Variants in PIP4K2A observed in about 807,000 individuals in gnomAD.
PIP4K2A encodes phosphatidylinositol-5-phosphate 4-kinase type 2 alpha.
PIP4K2A carries 14 observed loss-of-function variants against 42.9 expected under a neutral mutation model. That is an observed-to-expected ratio of 0.33 (90% confidence interval 0.22 to 0.51). The LOEUF is 0.51. Ranked by LOEUF, PIP4K2A falls within the 20% of genes least tolerant of loss-of-function variation. PIP4K2A has a pLI of 0.97. For synonymous variants in PIP4K2A, 192 were observed against 192.2 expected, an observed-to-expected ratio of 1.00 and a Z score of 0.01; for missense variants, 434 against 519.8, an observed-to-expected ratio of 0.83 and a Z score of 1.61.
At chr10:22,561,615 A>G (rs529527739) in intron 6 of PIP4K2A, among the ~76,000 whole-genome samples, 1 of 121,656 alleles carries the variant, frequency 8.2e-6, no homozygotes, top group South Asian at 2.5e-4. Context: ...TTGTTCTGTC[A>G]CTGAGGCTGG....
At chr10:22,711,633 A>C (rs968280415) in intron 1 of PIP4K2A, among the ~76,000 whole-genome samples, 2 of 152,284 alleles carry the variant, frequency 1.3e-5, no homozygotes, top group African/African-American at 4.8e-5. Flanking sequence ...AAAAACTTAA[A>C]GCGCAGATTC....
Position 22,591,680 on chromosome 10 carries a change from A to C in PIP4K2A, c.441T>G (p.Ile147Met). The change falls in exon 4 of 10, where the codon ATT (isoleucine) becomes ATG (methionine). Residue 147 changes from isoleucine (I) to methionine (M), a missense_variant. By Grantham distance (10) the Ile-to-Met change is conservative (BLOSUM62 1). Around this residue, in one of 2 missense-constraint regions of PIP4K2A, gnomAD observed 395 missense variants for 444.5 expected, o/e 0.89. Transcript: ENST00000376573. Reference sequence around the variant, plus strand: ...GCATTTCGGCCACGTCTTCACTGGTAATAGTCTTGATGATGTATCTTTTGT... The same window carrying C: ...GCATTTCGGCCACGTCTTCACTGGTCATAGTCTTGATGATGTATCTTTTGT... ...SYDKRYIIKT[I>M]TSEDVAEMHN... The C allele has an allele frequency of 6.2e-7, 1 of 1,613,152 alleles. No individual in the cohort carries two copies. The highest frequency in any genetic ancestry group is 8.5e-7 in the Non-Finnish European group (1 of 1,179,440).
chr10:22,572,620 G>T (rs1005820454), intron 5 of PIP4K2A, among the ~76,000 whole-genome samples: 1 of 151,446 alleles, frequency 6.6e-6, no homozygotes, highest in Non-Finnish European at 1.5e-5. Context: ...AAAAAGAAAA[G>T]AAAAGAAAAA....
At chr10:22,690,334 TA>T (rs1431150046) in intron 1 of PIP4K2A, among the ~76,000 whole-genome samples, 2 of 152,194 alleles carry the variant, frequency 1.3e-5, no homozygotes, top group African/African-American at 4.8e-5. Context: ...AGTAGGCTCC[TA>T]AATCTGAACT....
intron 1 of PIP4K2A, among the ~76,000 whole-genome samples, chr10:22,681,993 A>G (rs1018895703): frequency 2.8e-4 from 43 of 152,130 alleles, no homozygotes; most frequent in African/African-American, 9.7e-4. Flanking sequence ...TTTTTTAGAA[A>G]ACCATTTTTT....
chr10:22,652,487 C>T (rs1472740676), intron 1 of PIP4K2A, among the ~76,000 whole-genome samples: 1 of 152,180 alleles, frequency 6.6e-6, no homozygotes, highest in African/African-American at 2.4e-5. Flanking sequence ...CATTTTGAGA[C>T]ATCTCCCTCT....
intron 1 of PIP4K2A, among the ~76,000 whole-genome samples, chr10:22,658,297 G>A (rs7091306): frequency 5.9e-5 from 9 of 152,118 alleles, no homozygotes; most frequent in African/African-American, 2.2e-4. Context: ...AAACTGAAAC[G>A]GAAGAAATAC....
chr10:22,680,789 A>T (rs762136598), intron 1 of PIP4K2A, among the ~76,000 whole-genome samples: 1 of 152,198 alleles, frequency 6.6e-6, no homozygotes, highest in Non-Finnish European at 1.5e-5. Flanking sequence ...TCAAAGAGTG[A>T]AGGACATGCC....
intron 1 of PIP4K2A, chr10:22,691,667 T>G (rs1839871547): frequency 6.6e-6 from 1 of 152,210 alleles, no homozygotes; most frequent in African/African-American, 2.4e-5. Flanking sequence ...ATTTGCTATG[T>G]TTCCAGGTGT....
At chr10:22,604,490 C>T (rs185634224) in intron 3 of PIP4K2A, among the ~76,000 whole-genome samples, 33 of 151,966 alleles carry the variant, frequency 2.2e-4, no homozygotes, top group Non-Finnish European at 2.6e-4. Context: ...GATTTAGAGC[C>T]GCTTGTCCAA....
intron 6 of PIP4K2A, among the ~76,000 whole-genome samples, chr10:22,552,810 G>A (rs1836445873): frequency 6.6e-6 from 1 of 152,106 alleles, no homozygotes; most frequent in African/African-American, 2.4e-5. Context: ...CGTGTGGGTG[G>A]GGGTGTTAAG....
chr10:22,592,454 G>A (rs963414571), intron 3 of PIP4K2A, among the ~76,000 whole-genome samples: 4 of 152,156 alleles, frequency 2.6e-5, no homozygotes, highest in African/African-American at 9.7e-5. Flanking sequence ...GCAGGAGCCT[G>A]GGAGAGTGTC....
chr10:22,668,933 T>C (rs975428371), intron 1 of PIP4K2A, among the ~76,000 whole-genome samples: 1 of 152,222 alleles, frequency 6.6e-6, no homozygotes, highest in Non-Finnish European at 1.5e-5. Context: ...TTGTTTCTGT[T>C]AGCTCAATTT....
chr10:22,699,054 A>G (rs534672615), intron 1 of PIP4K2A, among the ~76,000 whole-genome samples: 67 of 152,314 alleles, frequency 4.4e-4, no homozygotes, highest in South Asian at 8.3e-4. Context: ...AGAGAAAGTG[A>G]ATTAGACAAA....
intron 7 of PIP4K2A, among the ~76,000 whole-genome samples, chr10:22,543,697 G>T (rs1395532311): frequency 2.0e-5 from 3 of 152,208 alleles, no homozygotes; most frequent in Non-Finnish European, 4.4e-5. Flanking sequence ...GGTGCACCTG[G>T]CCGAGATCAC....
At chr10:22,573,540 G>T (rs149851162) in intron 4 of PIP4K2A, 83 bp from the exon 5 acceptor site, 6 of 1,218,860 alleles carry the variant, frequency 4.9e-6, no homozygotes, top group African/African-American at 4.6e-5. Flanking sequence ...CGCCTATGGT[G>T]TTCATACAAA....
At chr10:22,623,990 G>A (rs1362659960) in intron 1 of PIP4K2A, among the ~76,000 whole-genome samples, 1 of 152,162 alleles carries the variant, frequency 6.6e-6, no homozygotes. Context: ...ATTCATTTTT[G>A]TTCATGATAA....
At chr10:22,587,595 G>A (rs1220282927) in intron 4 of PIP4K2A, among the ~76,000 whole-genome samples, 1 of 152,142 alleles carries the variant, frequency 6.6e-6, no homozygotes, top group East Asian at 1.9e-4. Flanking sequence ...AGCTTGACAG[G>A]CCTCCCTGGG....
At chr10:22,692,332 G>A (rs555217280) in intron 1 of PIP4K2A, among the ~76,000 whole-genome samples, 26 of 152,200 alleles carry the variant, frequency 1.7e-4, no homozygotes, top group Admixed American at 8.5e-4. Context: ...AATGGGGAGC[G>A]GCTGTAAATA....
Sources: gnomAD v4.1 joint callset for allele counts (sites outside exome capture counted in the v4.1 genomes callset) on GRCh38, gnomAD v4.1.1 for gene constraint, gnomAD v4.1.1 regional missense constraint, MANE v1.5 for transcripts, NCBI Gene and HGNC (gene_info 2026-07-23, HGNC 2026-07-21) for gene names.